The following RBM44 variants were observed in gnomAD, a reference collection of about 807,000 sequenced individuals.
The protein encoded by RBM44 is RNA-binding protein 44.
Under a neutral mutation model 105.1 loss-of-function variants are expected in RBM44, and 66 were observed. That is an observed-to-expected ratio of 0.63 (90% CI 0.52 to 0.77). The LOEUF (loss-of-function observed/expected upper bound fraction) is 0.77. Ranked by LOEUF, RBM44 falls within the 30% of genes least tolerant of loss-of-function variation. The pLI is 0.00. For missense variants in RBM44, 1,122 were observed against 1,207.8 expected (o/e 0.93, Z 1.05); for synonymous variants, 365 against 417.6 (o/e 0.87, Z 1.54).
At chr2:237,827,567 A>G in intron 12 of RBM44, 64 bp downstream of exon 12, 1 of 920,514 alleles carries the variant, frequency 1.1e-6, no homozygotes, top group South Asian at 1.5e-5. Context: ...AAGGTTCTAT[A>G]CCAGATATCA....
At position 237,832,837 on chromosome 2, in the gene RBM44, G is replaced by C. The variant is rs183312750; in HGVS notation, c.2887-1160G>C. ...CCTGGCTCTGCCACTTACTCACCATGTGACTCTGGAAAACTAATCTAACCT... is the reference window on the plus strand; with the variant it reads ...CCTGGCTCTGCCACTTACTCACCATCTGACTCTGGAAAACTAATCTAACCT... On this transcript the variant is annotated intron_variant, in intron 13 of 15. Transcript: ENST00000316997. Among the ~76,000 whole-genome samples, 9 of 152,294 alleles carry C rather than the reference G, an allele frequency of 5.9e-5. No homozygotes were observed. The East Asian group carries it at 1.5e-3, about 26-fold the overall frequency.
Position 237,821,384 on chromosome 2 carries a change from A to G in RBM44, c.2120+16A>G, listed in dbSNP as rs774811466. On this transcript the variant is annotated intron_variant, in intron 7 of 15. Transcript: ENST00000316997. ...AAACACATGTGTGAGTTATGGTTTC[A>G]TTTGATTTATAATTCATTAGATCCT... 6.5e-7 allele frequency: 1 copy of G among 1,535,044 alleles called. No homozygotes were observed. The highest frequency in any genetic ancestry group is 2.0e-5 in the Admixed American group (1 of 50,272).
In RBM44 at chr2:237,841,676, A is replaced by C. The variant is rs993581732; in HGVS notation, c.*23-163A>C. Among the ~76,000 whole-genome samples, 3 of 152,256 alleles carry C rather than the reference A, an allele frequency of 2.0e-5. No homozygotes were observed. Among genetic ancestry groups the C allele is most frequent in the African/African-American group, 7.2e-5 (3 of 41,476 alleles). Reference sequence around the variant, plus strand: ...TAAAATGATTGCTAGATACAAAGACAAGACACAAAAATTAATTGCAATTCT... The same window carrying C: ...TAAAATGATTGCTAGATACAAAGACCAGACACAAAAATTAATTGCAATTCT... On this transcript the variant is annotated intron_variant, in intron 15 of 15. Transcript: ENST00000316997. This position sits in a 1 kb window ranked among gnomAD's most constrained non-coding sequence, Gnocchi z 4.5.
rs1419495979 is a variant in RBM44, at chr2:237,820,369, ATC to A, written c.1913+20_1913+21del. Reference sequence around the variant, plus strand: ...TTAAATATGTGTTTATTAATTTCAAATCTGTTTTTTCTTAGAAATGTGTCACT... The same window carrying A: ...TTAAATATGTGTTTATTAATTTCAAATGTTTTTTCTTAGAAATGTGTCACT... On this transcript the variant is annotated intron_variant, in intron 5 of 15. Transcript: ENST00000316997. The A allele has an allele frequency of 6.8e-7, 1 of 1,472,894 alleles. No individual in the cohort carries two copies. Among genetic ancestry groups the A allele is most frequent in the Non-Finnish European group, 9.3e-7 (1 of 1,080,822 alleles). 91.2% of individuals were successfully genotyped at this position (1,472,894 alleles called of 1,614,324 possible). A position where few individuals can be genotyped will look rare whatever the true frequency, so the allele number is the denominator to read the frequency against.
At chr2:237,814,084 A>G (rs926303779) in intron 2 of RBM44, among the ~76,000 whole-genome samples, 2 of 152,344 alleles carry the variant, frequency 1.3e-5, no homozygotes, top group South Asian at 4.1e-4. Context: ...AGAAATAGCA[A>G]GAGTCTAAAA....
At chr2:237,821,689 C>T (rs145116911) in intron 7 of RBM44, 54 bp from the exon 8 acceptor site, 300 of 1,261,284 alleles carry the variant, frequency 2.4e-4, no homozygotes, top group Admixed American at 9.7e-4. Flanking sequence ...ACTATAGTCA[C>T]CTTACTCTGT....
chr2:237,800,377 A>G (rs1298994831), intron 1 of RBM44, among the ~76,000 whole-genome samples: 1 of 152,190 alleles, frequency 6.6e-6, no homozygotes, highest in Non-Finnish European at 1.5e-5. Flanking sequence ...CCTCTATCGC[A>G]TACATGATCT....
chr2:237,816,208 A>G (rs2150976000), intron 2 of RBM44, among the ~76,000 whole-genome samples: 1 of 152,022 alleles, frequency 6.6e-6, no homozygotes, highest in South Asian at 2.1e-4. Flanking sequence ...CTTTTTTTCA[A>G]AAATTTACCT....
chr2:237,822,516 G>A (rs2061803741), intron 8 of RBM44, among the ~76,000 whole-genome samples: 1 of 152,004 alleles, frequency 6.6e-6, no homozygotes, highest in Admixed American at 6.6e-5. Flanking sequence ...CTTTATTTGA[G>A]TAATATTAAT....
At position 237,834,120 on chromosome 2, in the gene RBM44, G is replaced by A; in HGVS notation, c.3010G>A (p.Glu1004Lys). 1 of 1,575,468 alleles carries A rather than the reference G, an allele frequency of 6.3e-7. No homozygotes were observed. The highest frequency in any genetic ancestry group is 1.2e-5 in the South Asian group (1 of 85,270). The part of the protein sequence containing the change: ...SFTKIIKRLA[E>K]LHPEVSRDHI... Reference sequence around the variant, plus strand: ...TACCAAGATCATAAAGAGACTGGCTGAACTGCATCCAGAAGTCAGCAGGTA... The same window carrying A: ...TACCAAGATCATAAAGAGACTGGCTAAACTGCATCCAGAAGTCAGCAGGTA... Residue 1004 changes from glutamate to lysine, a missense_variant, in exon 14 of 16, where the codon GAA (glutamate) becomes AAA (lysine). Physicochemically the swap from Glu to Lys is moderately conservative, Grantham distance 56. This residue lies in a region of RBM44 where 194 missense variants were observed against 225.5 expected (regional missense o/e 0.86). Transcript: ENST00000316997.
chr2:237,839,996 C>G (rs1204964829), intron 15 of RBM44, among the ~76,000 whole-genome samples: 2 of 152,048 alleles, frequency 1.3e-5, no homozygotes, highest in Admixed American at 6.6e-5. Context: ...CAAAACCAGC[C>G]TGGGCAACAT....
At position 237,827,295 on chromosome 2, in the gene RBM44, T is replaced by A; in HGVS notation, c.2495T>A (p.Ile832Lys). The A allele has an allele frequency of 6.3e-7, 1 of 1,595,422 alleles. No homozygotes were observed. ...EPSQRDKGYL[I>K]HVGGLCPSVS... ...TCACAAAGAGATAAAGGTTATTTGA[T>A]ACATGTTGGTGGCCTCTGCCCTTCA... Residue 832 changes from isoleucine to lysine, a missense_variant, in exon 11 of 16, where the codon ATA becomes AAA. Physicochemically the swap from Ile to Lys is moderately radical, Grantham distance 102. Around this residue, in one of 3 missense-constraint regions of RBM44, gnomAD observed 918 missense variants for 955.3 expected, o/e 0.96. Transcript: ENST00000316997.
Position 237,816,014 on chromosome 2 carries a change from T to C in RBM44, c.74-979T>C, listed in dbSNP as rs143674323. Reference sequence around the variant, plus strand: ...CTTAGCACATCATAAAGGGCCTTTTTCAGTTGATAATTCCTGTCATACTCG... The same window carrying C: ...CTTAGCACATCATAAAGGGCCTTTTCCAGTTGATAATTCCTGTCATACTCG... On this transcript the variant is annotated intron_variant, in intron 2 of 15. Coordinates refer to ENST00000316997, the MANE Select transcript of RBM44 (RefSeq NM_001080504.3). 1.4e-3 allele frequency among the ~76,000 whole-genome samples: 208 copies of C among 152,266 alleles called. 2 individuals are homozygous for C. Among genetic ancestry groups the C allele is most frequent in the African/African-American group, 4.2e-3 (176 of 41,556 alleles).
intron 1 of RBM44, among the ~76,000 whole-genome samples, chr2:237,808,479 C>G (rs1197412444): frequency 7.5e-6 from 1 of 133,620 alleles, no homozygotes; most frequent in Non-Finnish European, 1.6e-5. Context: ...AAAAGCATAA[C>G]AGAAAAAAAA....
chr2:237,830,642 G>C lies in RBM44; in HGVS notation c.2886+1140G>C, dbSNP rs540509773. Among the ~76,000 whole-genome samples the C allele has an allele frequency of 3.3e-5, 5 of 152,202 alleles. No individual in the cohort carries two copies. The South Asian group carries it at 1.0e-3, about 32-fold the overall frequency. On this transcript the variant is annotated intron_variant, in intron 13 of 15. Coordinates refer to ENST00000316997, the MANE Select transcript of RBM44 (RefSeq NM_001080504.3). ...CTGTTTTGCATATGGAATAGTTCCA[G>C]CATCATTTGTTAAAAAGATGATCCT...
chr2:237,830,752 G>A (rs576996687), intron 13 of RBM44, among the ~76,000 whole-genome samples: 5 of 152,136 alleles, frequency 3.3e-5, no homozygotes, highest in Admixed American at 2.6e-4. Context: ...GAACTGTTTC[G>A]CTGAACTGTC....
rs183657227 is a variant in RBM44, at chr2:237,819,369, A to C, written c.1736+410A>C. Among the ~76,000 whole-genome samples, 258 of 152,224 alleles carry C rather than the reference A, an allele frequency of 1.7e-3. 2 individuals are homozygous for C. Among genetic ancestry groups the C allele is most frequent in the African/African-American group, 5.8e-3 (242 of 41,566 alleles). On this transcript the variant is annotated intron_variant, in intron 4 of 15. Transcript: ENST00000316997. ...TAACTCATTGCATAATTTGCTTTGCATTTATCAGATACTCTTGTAATTCAG... is the reference window on the plus strand; with the variant it reads ...TAACTCATTGCATAATTTGCTTTGCCTTTATCAGATACTCTTGTAATTCAG...
intron 15 of RBM44, among the ~76,000 whole-genome samples, chr2:237,835,352 CTT>C (rs1480176203): frequency 1.3e-5 from 2 of 152,122 alleles, no homozygotes; most frequent in Non-Finnish European, 2.9e-5. Context: ...TTAAATGACT[CTT>C]AAAAGAAAGA....
intron 10 of RBM44, 133 bp downstream of exon 10, chr2:237,824,552 T>TA (rs1420636536): frequency 1.3e-5 from 9 of 710,332 alleles, no homozygotes; most frequent in South Asian, 4.8e-5. Context: ...TCTTTATAAA[T>TA]AAAAAAAGTG....
Sources: gnomAD v4.1 joint callset for allele counts (sites outside exome capture counted in the v4.1 genomes callset) on GRCh38, gnomAD v4.1.1 for gene constraint, gnomAD v4.1.1 regional missense constraint, Gnocchi (gnomAD v3.1) non-coding constraint, MANE v1.5 for transcripts, NCBI Gene and HGNC (gene_info 2026-07-23, HGNC 2026-07-21) for gene names.